DNAJB14: variants seen among roughly 807,000 people sequenced by gnomAD.
DNAJB14 encodes the protein dnaJ homolog subfamily B member 14.
A neutral mutation model predicts 48.4 loss-of-function variants in DNAJB14; 22 were observed. The observed-to-expected ratio is 0.45, with a 90% CI of 0.32 to 0.65. The LOEUF is 0.65. DNAJB14 is among the 30% of genes least tolerant of loss of function. DNAJB14 has a pLI of 0.03. For synonymous variants in DNAJB14, 142 were observed against 158.7 expected, an observed-to-expected ratio of 0.89 and a Z score of 0.79; for missense variants, 319 against 458.8, an observed-to-expected ratio of 0.70 and a Z score of 2.78.
At chr4:99,930,405 A>G in intron 2 of DNAJB14, 45 bp downstream of exon 2, 1 of 1,529,828 alleles carries the variant, frequency 6.5e-7, no homozygotes, top group African/African-American at 1.4e-5. Flanking sequence ...CAAAAAGTAC[A>G]TTAATACCAA....
intron 7 of DNAJB14, among the ~76,000 whole-genome samples, chr4:99,903,448 G>C (rs1346603491): frequency 1.3e-5 from 2 of 151,666 alleles, no homozygotes; most frequent in Non-Finnish European, 2.9e-5. Context: ...AGAATGATGT[G>C]TCTTATGATG....
At chr4:99,930,303 A>C (rs1051366096) in intron 2 of DNAJB14, 147 bp downstream of exon 2, 2 of 681,312 alleles carry the variant, frequency 2.9e-6, no homozygotes, top group Admixed American at 6.8e-5. Flanking sequence ...CAGTTTTATA[A>C]AGAATATGAA....
intron 2 of DNAJB14, chr4:99,929,647 A>G (rs1014677244): frequency 6.6e-6 from 1 of 152,178 alleles, no homozygotes; most frequent in Non-Finnish European, 1.5e-5. Flanking sequence ...TAAAAGAGAA[A>G]CAGACAAGAA....
intron 1 of DNAJB14, among the ~76,000 whole-genome samples, chr4:99,935,439 C>T (rs1014106980): frequency 2.9e-4 from 44 of 152,178 alleles, no homozygotes; most frequent in African/African-American, 9.9e-4. Flanking sequence ...TTAGTTCCCA[C>T]AAGCCCTTCT....
intron 5 of DNAJB14, chr4:99,905,975 C>T: frequency 1.6e-6 from 2 of 1,288,920 alleles, no homozygotes; most frequent in Non-Finnish European, 2.0e-6. Flanking sequence ...TCTTTCCCGA[C>T]TCCCTCCCCC....
intron 1 of DNAJB14, among the ~76,000 whole-genome samples, chr4:99,937,933 A>G (rs1053351376): frequency 7.3e-5 from 11 of 150,120 alleles, no homozygotes; most frequent in African/African-American, 2.4e-4. Flanking sequence ...TAAAAAAAAA[A>G]AAAAAAAAAA....
chr4:99,900,060 T>C lies in DNAJB14; in HGVS notation c.*968A>G, dbSNP rs1725245920. ...CATAGGGTTAAAAGGCACAAAGCTG[T>C]ATTTTAGTACTCATTTTTCTTATTA... On this transcript the variant is annotated 3_prime_UTR_variant, in exon 8 of 8. Transcript: ENST00000442697. The C allele has an allele frequency of 6.6e-6, 1 of 152,410 alleles. No individual in the cohort carries two copies. Among genetic ancestry groups the C allele is most frequent in the African/African-American group, 2.4e-5 (1 of 41,418 alleles). The allele number at this position is 152,410 out of a possible 1,614,324, so 9.4% of individuals were successfully genotyped here.
At chr4:99,930,051 C>CTAAT (rs1726405158) in intron 2 of DNAJB14, 1 of 153,230 alleles carries the variant, frequency 6.5e-6, no homozygotes, top group Non-Finnish European at 1.5e-5. Context: ...AAATCCTTCA[C>CTAAT]TAATATAAGT....
At chr4:99,931,871 T>C (rs889794824) in intron 1 of DNAJB14, among the ~76,000 whole-genome samples, 5 of 152,148 alleles carry the variant, frequency 3.3e-5, no homozygotes, top group African/African-American at 1.2e-4. Flanking sequence ...ACAGCTTGTG[T>C]ATCAAAGAAA....
Position 99,938,629 on chromosome 4 carries a change from A to G in DNAJB14, c.133+7810T>C, listed in dbSNP as rs541966190. Among the ~76,000 whole-genome samples the G allele has an allele frequency of 3.0e-4, 45 of 152,258 alleles. No individual in the cohort carries two copies. The South Asian group carries it at 7.3e-3, about 25-fold the overall frequency. On this transcript the variant is annotated intron_variant, in intron 1 of 7. Coordinates refer to ENST00000442697, the MANE Select transcript of DNAJB14 (RefSeq NM_001031723.4). ...GGGGGAGAGAGAAAGGTCCTGATAA[A>G]GCAAACGTAAAAATTTTAACAAATA...
At chr4:99,923,926 AT>A (rs1726154120) in intron 2 of DNAJB14, 1 of 956,316 alleles carries the variant, frequency 1.0e-6, no homozygotes, top group Non-Finnish European at 1.2e-6. Context: ...GACTCAAAAA[AT>A]GTTATCCCTG....
At chr4:99,935,565 G>A (rs1726642479) in intron 1 of DNAJB14, among the ~76,000 whole-genome samples, 2 of 152,216 alleles carry the variant, frequency 1.3e-5, no homozygotes. Flanking sequence ...AAGACTAAAT[G>A]ACGGTTAAGA....
intron 2 of DNAJB14, chr4:99,924,557 C>A: frequency 1.9e-6 from 1 of 540,008 alleles, no homozygotes; most frequent in East Asian, 3.6e-5. Context: ...CAATTTTATT[C>A]CAAAAACATG....
chr4:99,912,281 T>C (rs1725690249), intron 3 of DNAJB14, among the ~76,000 whole-genome samples: 1 of 152,268 alleles, frequency 6.6e-6, no homozygotes, highest in Admixed American at 6.5e-5. Context: ...ACTGTTTATC[T>C]ATACAGTAAA....
intron 3 of DNAJB14, among the ~76,000 whole-genome samples, chr4:99,921,745 T>C (rs553377217): frequency 6.6e-6 from 1 of 152,336 alleles, no homozygotes; most frequent in South Asian, 2.1e-4. Flanking sequence ...CTGGTAACTC[T>C]GTGACTGCAT....
At chr4:99,908,926 G>A (rs773772302) in intron 3 of DNAJB14, 30 bp from the exon 4 acceptor site, 2 of 1,457,582 alleles carry the variant, frequency 1.4e-6, no homozygotes, top group Admixed American at 2.4e-5. Flanking sequence ...AAGTTGGTAA[G>A]CAAAGTTTTT....
intron 5 of DNAJB14, chr4:99,906,220 C>T (rs1725461550): frequency 1.5e-6 from 2 of 1,354,570 alleles, no homozygotes; most frequent in Non-Finnish European, 1.9e-6. Context: ...TTTTTCAGTA[C>T]TCTAAATTCT....
At chr4:99,920,253 G>T (rs779255590) in intron 3 of DNAJB14, among the ~76,000 whole-genome samples, 2 of 152,164 alleles carry the variant, frequency 1.3e-5, no homozygotes, top group Non-Finnish European at 2.9e-5. Context: ...ATTATTTGGG[G>T]AAGAGGATAT....
chr4:99,938,682 T>C (rs996563375), intron 1 of DNAJB14, among the ~76,000 whole-genome samples: 1 of 152,058 alleles, frequency 6.6e-6, no homozygotes, highest in Middle Eastern at 3.2e-3. Flanking sequence ...ATTTGGAAAT[T>C]AGTATTATTT....
Sources: gnomAD v4.1 joint callset for allele counts (sites outside exome capture counted in the v4.1 genomes callset) on GRCh38, gnomAD v4.1.1 for gene constraint, MANE v1.5 for transcripts, NCBI Gene and HGNC (gene_info 2026-07-23, HGNC 2026-07-21) for gene names.